Variants in CD160 observed in about 807,000 individuals in gnomAD.
CD160 encodes CD160 antigen.
CD160 carries 11 observed loss-of-function variants against 19.2 expected under a neutral mutation model. The ratio of observed to expected loss-of-function variants is 0.57; its 90% CI spans 0.36 to 0.95. The LOEUF (loss-of-function observed/expected upper bound fraction) is 0.95. CD160 is among the 40% of genes least tolerant of loss of function. CD160 has a pLI of 0.01. For synonymous variants in CD160, 75 were observed against 81.1 expected (o/e 0.93, Z 0.40); for missense variants, 182 against 213.2 (o/e 0.85, Z 0.91).
At chr1:145,728,035 T>C (rs587687438) in intron 2 of CD160, among the ~76,000 whole-genome samples, 2 of 152,224 alleles carry the variant, frequency 1.3e-5, no homozygotes, top group East Asian at 3.9e-4. Flanking sequence ...AAAAAATATA[T>C]ATGAGAAAAT....
chr1:145,725,054 G>T (rs781843110), intron 2 of CD160, 148 bp downstream of exon 2: 1 of 151,572 alleles, frequency 6.6e-6, no homozygotes, highest in African/African-American at 2.4e-5. Context: ...GTGAGCCACC[G>T]CAACTGGGCC....
At chr1:145,731,976 G>A (rs370750752) in intron 4 of CD160, among the ~76,000 whole-genome samples, 6 of 152,178 alleles carry the variant, frequency 3.9e-5, no homozygotes, top group Admixed American at 3.9e-4. Context: ...CTGTGAGGCA[G>A]CAAGGCCTCT....
chr1:145,729,066 T>C (rs1657178074), intron 3 of CD160, among the ~76,000 whole-genome samples: 1 of 152,202 alleles, frequency 6.6e-6, no homozygotes, highest in Non-Finnish European at 1.5e-5. Flanking sequence ...TCTATGGCTA[T>C]ACTGAGGATT....
Position 145,730,335 on chromosome 1 carries a change from A to T in CD160, c.74-409A>T, listed in dbSNP as rs183901846. 5.8e-4 allele frequency among the ~76,000 whole-genome samples: 89 copies of T among 152,230 alleles called. No homozygotes were observed. The South Asian group carries it at 7.7e-3, about 13-fold the overall frequency. ...ACCTTGTTTTAAAAAAAAATTTTTTAAATTAAAAATCCCCGGTCATCTAAT... is the reference window on the plus strand; with the variant it reads ...ACCTTGTTTTAAAAAAAAATTTTTTTAATTAAAAATCCCCGGTCATCTAAT... On this transcript the variant is annotated intron_variant, in intron 3 of 5. Coordinates refer to ENST00000369288, the MANE Select transcript of CD160 (RefSeq NM_007053.4).
intron 5 of CD160, chr1:145,737,841 T>A (rs1457194192): frequency 6.6e-6 from 1 of 152,058 alleles, no homozygotes; most frequent in African/African-American, 2.4e-5. Flanking sequence ...TTTTTTGTTT[T>A]CTCCTATATT....
chr1:145,731,323 G>C (rs587721983), intron 4 of CD160, among the ~76,000 whole-genome samples: 1 of 152,262 alleles, frequency 6.6e-6, no homozygotes, highest in East Asian at 1.9e-4. Context: ...GTGACACAGG[G>C]GTTGAAGAGA....
intron 4 of CD160, among the ~76,000 whole-genome samples, chr1:145,731,669 T>C (rs1657300801): frequency 6.6e-6 from 1 of 151,916 alleles, no homozygotes; most frequent in South Asian, 2.1e-4. Flanking sequence ...AAACTGTGTC[T>C]CAAAAAAATA....
At chr1:145,732,221 C>A (rs1427894632) in intron 4 of CD160, among the ~76,000 whole-genome samples, 1 of 151,976 alleles carries the variant, frequency 6.6e-6, no homozygotes, top group Admixed American at 6.6e-5. Flanking sequence ...AAACTATAAA[C>A]CAAATGTAAG....
At chr1:145,735,967 C>T (rs371267707) in intron 4 of CD160, 30 bp from the exon 5 acceptor site, 240 of 1,535,752 alleles carry the variant, frequency 1.6e-4, no homozygotes, top group Non-Finnish European at 2.1e-4. Flanking sequence ...CTGAAACCCT[C>T]CCCTGATCCA....
chr1:145,732,822 A>G (rs1191918402), intron 4 of CD160, among the ~76,000 whole-genome samples: 2 of 152,348 alleles, frequency 1.3e-5, no homozygotes, highest in Admixed American at 1.3e-4. Context: ...TTTAAATAAA[A>G]TTTGTGGTAC....
At chr1:145,732,518 G>GA (rs1188509734) in intron 4 of CD160, among the ~76,000 whole-genome samples, 343 of 140,756 alleles carry the variant, frequency 2.4e-3, no homozygotes, top group Middle Eastern at 6.9e-3. Flanking sequence ...TAGTGGAAAA[G>GA]AAAAAAAAAA....
chr1:145,731,132 A>C, intron 4 of CD160, 62 bp downstream of exon 4: 1 of 1,294,030 alleles, frequency 7.7e-7, no homozygotes, highest in Non-Finnish European at 1.1e-6. Context: ...GACAGTGGAG[A>C]TGTAACCAGA....
At chr1:145,721,047 G>A (rs114335947) in intron 1 of CD160, among the ~76,000 whole-genome samples, 1,550 of 152,286 alleles carry the variant, frequency 0.01, 34 homozygotes, top group African/African-American at 0.036. Flanking sequence ...GGCTCACAAC[G>A]TTTTAAGAGG....
At chr1:145,724,564 C>T (rs1656978138) in intron 1 of CD160, among the ~76,000 whole-genome samples, 1 of 152,076 alleles carries the variant, frequency 6.6e-6, no homozygotes, top group Non-Finnish European at 1.5e-5. Flanking sequence ...TCATCCATTA[C>T]CATTTTACTT....
chr1:145,738,008 A>G (rs587713291), intron 5 of CD160: 1 of 152,608 alleles, frequency 6.6e-6, no homozygotes, highest in East Asian at 1.9e-4. Flanking sequence ...TATTCAGTAG[A>G]ATAGTACACA....
At chr1:145,721,440 C>A (rs1010067528) in intron 1 of CD160, among the ~76,000 whole-genome samples, 14 of 152,290 alleles carry the variant, frequency 9.2e-5, no homozygotes, top group Non-Finnish European at 1.6e-4. Flanking sequence ...AGCATCCTTG[C>A]CCAGTGACCT....
intron 1 of CD160, among the ~76,000 whole-genome samples, chr1:145,723,891 A>AT (rs1656954045): frequency 6.6e-6 from 1 of 152,034 alleles, no homozygotes; most frequent in African/African-American, 2.4e-5. Context: ...ACCTGTTTCT[A>AT]TTTTTTTGGT....
intron 5 of CD160, chr1:145,736,825 A>G (rs1657514710): frequency 6.6e-6 from 1 of 152,626 alleles, no homozygotes; most frequent in South Asian, 2.1e-4. Context: ...ACCCCAACGA[A>G]AAGTCCCACA....
intron 2 of CD160, among the ~76,000 whole-genome samples, chr1:145,726,269 T>C (rs1228218602): frequency 6.6e-6 from 1 of 152,188 alleles, no homozygotes; most frequent in Non-Finnish European, 1.5e-5. Context: ...CATTCTACGA[T>C]AAAGATGCAC....
Sources: allele counts gnomAD v4.1 joint callset (sites outside exome capture counted in the v4.1 genomes callset), GRCh38; gene constraint gnomAD v4.1.1; transcripts MANE v1.5; gene names NCBI Gene and HGNC (gene_info 2026-07-23, HGNC 2026-07-21).